Variants in TM4SF5 observed in about 807,000 individuals in gnomAD.
TM4SF5 encodes the protein transmembrane 4 L6 family member 5.
Under a neutral mutation model 22.3 loss-of-function variants are expected in TM4SF5, and 16 were observed. That is an observed-to-expected ratio of 0.72 (90% CI 0.49 to 1.09). The LOEUF is 1.09. Among genes scored for constraint, TM4SF5 ranks in the 50% least tolerant of loss-of-function variants. TM4SF5 has a pLI of 0.00. For missense variants in TM4SF5, 249 were observed against 266.1 expected (o/e 0.94, Z 0.45); for synonymous variants, 113 against 109.6 (o/e 1.03, Z -0.19).
chr17:4,782,444 GC>G (rs1917329159), intron 2 of TM4SF5, 58 bp from the exon 3 acceptor site: 7 of 1,600,390 alleles, frequency 4.4e-6, no homozygotes, highest in Non-Finnish European at 6.0e-6. Context: ...CTGGCGCTGA[GC>G]GTCGTCACCC....
chr17:4,782,428 T>G, intron 2 of TM4SF5, 75 bp from the exon 3 acceptor site: 1 of 1,565,114 alleles, frequency 6.4e-7, no homozygotes, highest in Non-Finnish European at 8.7e-7. Flanking sequence ...CGATAATGCG[T>G]GGGGGCTGGC....
In TM4SF5 at chr17:4,782,893, C is replaced by T. The variant is rs1917342519; in HGVS notation, c.435C>T (p.Cys145=). ...TCAACCGCACTCTATGGGATCGGTG[C>T]GAGGCGCCCCCTCGCGTGGTCCCCT... ...YLLNRTLWDR[C]EAPPRVVPWN... Residue 145 remains cysteine (C), a synonymous_variant, in exon 4 of 5, where the codon TGC becomes TGT. Coordinates refer to ENST00000270560, the MANE Select transcript of TM4SF5 (RefSeq NM_003963.3). 3 of 1,613,918 alleles carry T rather than the reference C, an allele frequency of 1.9e-6. No individual in the cohort carries two copies. Among genetic ancestry groups the T allele is most frequent in the East Asian group, 2.2e-5 (1 of 44,884 alleles).
intron 1 of TM4SF5, among the ~76,000 whole-genome samples, chr17:4,776,517 G>A (rs1182126689): frequency 1.3e-5 from 2 of 152,044 alleles, no homozygotes; most frequent in Non-Finnish European, 2.9e-5. Flanking sequence ...GGTCAGGCTG[G>A]TTTTGAACTC....
intron 1 of TM4SF5, among the ~76,000 whole-genome samples, chr17:4,777,196 C>CAAAAAA: frequency 9.9e-6 from 1 of 101,346 alleles, no homozygotes; most frequent in Non-Finnish European, 2.1e-5. Context: ...GACTCCATCT[C>CAAAAAA]AAAAAAAAAA....
chr17:4,772,559 C>G (rs936771683), intron 1 of TM4SF5, among the ~76,000 whole-genome samples: 4 of 152,176 alleles, frequency 2.6e-5, no homozygotes, highest in African/African-American at 9.7e-5. Flanking sequence ...CATTCACTCT[C>G]ACCCCACATT....
chr17:4,782,570 G>A lies in TM4SF5; in HGVS notation c.326G>A (p.Gly109Glu). The stretch of plus-strand genomic sequence containing the variant: ...GCCATCTACTGCCTCTCGGTGTCTG[G>A]AGCTGGGCTCCGAAATGGACCCAGA... ...LGAIYCLSVS[G>E]AGLRNGPRCL... Residue 109 changes from glycine to glutamate, a missense_variant, in exon 3 of 5, where the codon GGA becomes GAA. Physicochemically the swap from Gly to Glu is moderately conservative, Grantham distance 98 (BLOSUM62 -2). Coordinates refer to ENST00000270560, the MANE Select transcript of TM4SF5 (RefSeq NM_003963.3). The A allele has an allele frequency of 6.2e-7, 1 of 1,614,094 alleles. No homozygotes were observed. Among genetic ancestry groups the A allele is most frequent in the South Asian group, 1.1e-5 (1 of 91,074 alleles).
intron 1 of TM4SF5, among the ~76,000 whole-genome samples, chr17:4,775,505 C>T (rs917171575): frequency 2.0e-5 from 3 of 151,858 alleles, no homozygotes; most frequent in Admixed American, 6.6e-5. Flanking sequence ...ACCTTGTGAT[C>T]CACCCGCCTC....
chr17:4,772,680 G>A (rs937475328), intron 1 of TM4SF5, among the ~76,000 whole-genome samples: 1 of 151,938 alleles, frequency 6.6e-6, no homozygotes, highest in Non-Finnish European at 1.5e-5. Context: ...CTATTTGCCA[G>A]GGGCGGAGGT....
In TM4SF5 at chr17:4,780,821, A is replaced by AG; in HGVS notation, c.215dup (p.Lys73GlnfsTer130). 1.2e-6 allele frequency: 2 copies of AG among 1,610,374 alleles called. No individual in the cohort carries two copies. Among genetic ancestry groups the AG allele is most frequent in the Non-Finnish European group, 1.7e-6 (2 of 1,178,300 alleles). Reference sequence around the variant, plus strand: ...GTCCGGGGATTGCAGCCGTTCGGGCAGGGGGCAAGGGCTGCTGTGGTGCTG... The same window carrying AG: ...GTCCGGGGATTGCAGCCGTTCGGGCAGGGGGGCAAGGGCTGCTGTGGTGCTG... On this transcript the variant is annotated frameshift_variant, in exon 2 of 5. Coordinates refer to ENST00000270560, the MANE Select transcript of TM4SF5 (RefSeq NM_003963.3). LOFTEE classifies it high-confidence loss of function.
Position 4,782,881 on chromosome 17 carries a change from A to G in TM4SF5, c.423A>G (p.Leu141=), listed in dbSNP as rs1487792478. The G allele has an allele frequency of 9.9e-6, 16 of 1,613,872 alleles. No individual in the cohort carries two copies. The highest frequency in any genetic ancestry group is 1.2e-5 in the Non-Finnish European group (14 of 1,179,934). The change falls in exon 4 of 5, where the codon CTA becomes CTG. Residue 141 remains leucine (L), a synonymous_variant. Transcript: ENST00000270560. ...TAGAYLLNRT[L]WDRCEAPPRV... The stretch of plus-strand genomic sequence containing the variant: ...GAGCTTACTTGCTCAACCGCACTCT[A>G]TGGGATCGGTGCGAGGCGCCCCCTC...
At chr17:4,772,935 C>T (rs1917140950) in intron 1 of TM4SF5, among the ~76,000 whole-genome samples, 2 of 151,888 alleles carry the variant, frequency 1.3e-5, no homozygotes, top group Admixed American at 6.6e-5. Context: ...GACGGAGTCT[C>T]GCTCTGTCGC....
intron 1 of TM4SF5, among the ~76,000 whole-genome samples, chr17:4,778,795 C>T (rs186083010): frequency 1.1e-4 from 16 of 152,008 alleles, no homozygotes; most frequent in Admixed American, 3.3e-4. Flanking sequence ...CGGTGGCTCA[C>T]GCTTGTAATC....
rs748076059 is a variant in TM4SF5 at position 4,782,637 on chromosome 17, C to T, written c.393C>T (p.Thr131=). 4 of 1,614,152 alleles carry T rather than the reference C, an allele frequency of 2.5e-6. No homozygotes were observed. The highest frequency in any genetic ancestry group is 4.5e-5 in the East Asian group (2 of 44,880). The change falls in exon 3 of 5, where the codon ACC becomes ACT. Residue 131 remains threonine (T), a splice_region_variant and synonymous_variant. Coordinates refer to ENST00000270560, the MANE Select transcript of TM4SF5 (RefSeq NM_003963.3). ...NGEWGYHFED[T]AGAYLLNRTL... ...AGTGGGGCTACCACTTCGAAGACACCGCGTAAGGTTTAGCCTGTATTCGTG... is the reference window on the plus strand; with the variant it reads ...AGTGGGGCTACCACTTCGAAGACACTGCGTAAGGTTTAGCCTGTATTCGTG...
chr17:4,775,594 T>C (rs887893011), intron 1 of TM4SF5, among the ~76,000 whole-genome samples: 10 of 151,904 alleles, frequency 6.6e-5, no homozygotes, highest in African/African-American at 2.4e-4. Context: ...CTTTGTTTTT[T>C]GACGGTTTAA....
rs200239930 is a variant in TM4SF5 at position 4,780,817 on chromosome 17, G to A, written c.206G>A (p.Arg69Gln). 4.7e-5 allele frequency: 75 copies of A among 1,610,280 alleles called. No individual in the cohort carries two copies. The highest frequency in any genetic ancestry group is 3.7e-4 in the Admixed American group (22 of 59,522). ...MVLCPGIAAVRAGGKGCCGAG... is the reference protein window; with the variant it reads ...MVLCPGIAAVQAGGKGCCGAG... The stretch of plus-strand genomic sequence containing the variant: ...CTGTGTCCGGGGATTGCAGCCGTTC[G>A]GGCAGGGGGCAAGGGCTGCTGTGGT... The change falls in exon 2 of 5, where the codon CGG (arginine) becomes CAG (glutamine). Residue 69 changes from arginine to glutamine, a missense_variant. Transcript: ENST00000270560.
chr17:4,781,046 G>T (rs1917296554), intron 2 of TM4SF5, among the ~76,000 whole-genome samples, 177 bp downstream of exon 2: 1 of 151,662 alleles, frequency 6.6e-6, no homozygotes, highest in African/African-American at 2.4e-5. Flanking sequence ...CGGGCGTGGT[G>T]GCAAGCACCT....
intron 1 of TM4SF5, among the ~76,000 whole-genome samples, chr17:4,776,037 G>A (rs1178124649): frequency 6.6e-6 from 1 of 151,436 alleles, no homozygotes; most frequent in Non-Finnish European, 1.5e-5. Context: ...TAGTAGAGAT[G>A]GGGGTTTCGC....
chr17:4,776,077 G>A (rs540046641), intron 1 of TM4SF5, among the ~76,000 whole-genome samples: 4 of 151,054 alleles, frequency 2.6e-5, no homozygotes, highest in Admixed American at 6.6e-5. Context: ...TCGCACTCCC[G>A]ACCTCAGGTG....
At chr17:4,772,206 G>A in intron 1 of TM4SF5, 107 bp downstream of exon 1, 2 of 1,402,276 alleles carry the variant, frequency 1.4e-6, no homozygotes, top group East Asian at 2.3e-5. Flanking sequence ...CTTGGGAGAG[G>A]ATGGCAATGG....
Sources: gnomAD v4.1 joint callset for allele counts (sites outside exome capture counted in the v4.1 genomes callset) on GRCh38, gnomAD v4.1.1 for gene constraint, MANE v1.5 for transcripts, NCBI Gene and HGNC (gene_info 2026-07-23, HGNC 2026-07-21) for gene names.